Variants in MGAT5 observed in about 807,000 individuals in gnomAD.
MGAT5 encodes alpha-1,6-mannosylglycoprotein 6-beta-N-acetylglucosaminyltransferase A.
MGAT5 carries 30 observed loss-of-function variants against 94.3 expected under a neutral mutation model. The ratio of observed to expected loss-of-function variants is 0.32; its 90% CI spans 0.24 to 0.43. MGAT5 has a LOEUF of 0.43. MGAT5 is among the 20% of genes least tolerant of loss of function. MGAT5 has a pLI of 1.00. For synonymous variants in MGAT5, 310 were observed against 322.9 expected, an observed-to-expected ratio of 0.96 and a Z score of 0.43; for missense variants, 691 against 905.5, an observed-to-expected ratio of 0.76 and a Z score of 3.04.
intron 4 of MGAT5, among the ~76,000 whole-genome samples, chr2:134,331,629 G>C (rs971025461): frequency 6.6e-6 from 1 of 151,992 alleles, no homozygotes; most frequent in Non-Finnish European, 1.5e-5. Context: ...GGGGGTTGGT[G>C]GGGGGAGGCA....
rs1484759679 is a variant in MGAT5, at chr2:134,317,552, A to G, written c.430A>G (p.Lys144Glu). 3 of 1,570,372 alleles carry G rather than the reference A, an allele frequency of 1.9e-6. No individual in the cohort carries two copies. The highest frequency in any genetic ancestry group is 2.6e-6 in the Non-Finnish European group (3 of 1,160,268). The change falls in exon 3 of 16, where the codon AAA becomes GAA. Residue 144 changes from lysine to glutamate, a missense_variant. Coordinates refer to ENST00000281923, the MANE Select transcript of MGAT5 (RefSeq NM_002410.5). ...AGATATCATTAACGGAGCTCAAGAAAAATGTGTATTGCCTCCTATGGACGG... is the reference window on the plus strand; with the variant it reads ...AGATATCATTAACGGAGCTCAAGAAGAATGTGTATTGCCTCCTATGGACGG... ...VADIINGAQE[K>E]CVLPPMDGYP...
chr2:134,358,033 A>G (rs2106092590), intron 9 of MGAT5, among the ~76,000 whole-genome samples: 1 of 152,268 alleles, frequency 6.6e-6, no homozygotes, highest in Non-Finnish European at 1.5e-5. Flanking sequence ...GAATATGATG[A>G]CAATCAGTAT....
intron 1 of MGAT5, among the ~76,000 whole-genome samples, chr2:134,214,833 T>C (rs550492673): frequency 2.1e-4 from 32 of 152,264 alleles, no homozygotes; most frequent in African/African-American, 7.5e-4. Flanking sequence ...CTTTCTGATA[T>C]GTATTATATC....
At chr2:134,131,545 C>G (rs982085400) in intron 1 of MGAT5, among the ~76,000 whole-genome samples, 1 of 147,618 alleles carries the variant, frequency 6.8e-6, no homozygotes, top group Non-Finnish European at 1.5e-5. Context: ...TGATGATACA[C>G]GATAAATATT....
At chr2:134,133,682 T>C (rs1240801707) in intron 1 of MGAT5, among the ~76,000 whole-genome samples, 1 of 152,196 alleles carries the variant, frequency 6.6e-6, no homozygotes, top group African/African-American at 2.4e-5. Context: ...AAAGGTTTAA[T>C]CAAAGGGCCA....
intron 1 of MGAT5, among the ~76,000 whole-genome samples, chr2:134,236,455 A>G (rs1452849782): frequency 1.3e-5 from 2 of 152,114 alleles, no homozygotes; most frequent in Admixed American, 6.5e-5. Context: ...GTGTCGTGGG[A>G]GGTAATTTAA....
chr2:134,131,419 T>C (rs552881260), intron 1 of MGAT5, among the ~76,000 whole-genome samples: 1 of 152,236 alleles, frequency 6.6e-6, no homozygotes, highest in East Asian at 1.9e-4. Flanking sequence ...TTCCCGAAAT[T>C]AGTATTCTTT....
intron 4 of MGAT5, among the ~76,000 whole-genome samples, chr2:134,328,726 C>T (rs1180425364): frequency 6.6e-6 from 1 of 151,946 alleles, no homozygotes; most frequent in African/African-American, 2.4e-5. Flanking sequence ...AGCTTGCATG[C>T]AGATGGGGCA....
intron 1 of MGAT5, among the ~76,000 whole-genome samples, chr2:134,140,635 C>T (rs1686614773): frequency 6.6e-6 from 1 of 152,204 alleles, no homozygotes; most frequent in African/African-American, 2.4e-5. Flanking sequence ...TGCCCACATC[C>T]AGGGTGGGGC....
chr2:134,254,729 T>TTCA, intron 1 of MGAT5, 85 bp downstream of exon 1: 1 of 1,534,370 alleles, frequency 6.5e-7, no homozygotes, highest in Admixed American at 1.9e-5. Flanking sequence ...GGTCTTGTCA[T>TTCA]GGACTGAATG....
At chr2:134,310,947 T>A (rs1686614163) in intron 2 of MGAT5, among the ~76,000 whole-genome samples, 1 of 152,212 alleles carries the variant, frequency 6.6e-6, no homozygotes, top group Non-Finnish European at 1.5e-5. Context: ...AGTGGCACGC[T>A]CATTTGGCTG....
At chr2:134,427,334 A>G (rs1439142686) in intron 13 of MGAT5, among the ~76,000 whole-genome samples, 1 of 152,150 alleles carries the variant, frequency 6.6e-6, no homozygotes, top group Admixed American at 6.5e-5. Context: ...TGAAATTTCC[A>G]TTTTAGATTG....
At chr2:134,307,771 C>T (rs74524848) in intron 2 of MGAT5, among the ~76,000 whole-genome samples, 4,499 of 152,230 alleles carry the variant, frequency 0.03, 243 homozygotes, top group African/African-American at 0.1. Context: ...ATTGTTGAAA[C>T]ATAACATAAA....
intron 10 of MGAT5, among the ~76,000 whole-genome samples, chr2:134,381,382 TTAGATAGATAGATAGATAGATAGA>T (rs61246431): frequency 0.019 from 2,010 of 108,544 alleles, 34 homozygotes; most frequent in African/African-American, 0.027. Flanking sequence ...ATAAGATAGA[TTAGATAGATAGATAGATAGATAGA>T]TAGATAGATA....
At position 134,453,897 on chromosome 2, in the gene MGAT5, CTATCTCCT is replaced by C. The variant is rs1686225134; in HGVS notation, c.*5059_*5066del. 1 of 152,224 alleles carries C rather than the reference CTATCTCCT, an allele frequency of 6.6e-6. No individual in the cohort carries two copies. Among genetic ancestry groups the C allele is most frequent in the South Asian group, 2.1e-4 (1 of 4,836 alleles). 9.4% of individuals were successfully genotyped at this position (152,224 alleles called of 1,614,324 possible). On this transcript the variant is annotated 3_prime_UTR_variant, in exon 16 of 16. Coordinates refer to ENST00000281923, the MANE Select transcript of MGAT5 (RefSeq NM_002410.5). ...TTCCCTGATGGATTCAAAGTTTTAT[CTATCTCCT>C]TATCTCCTGCCCTGTCTTGGCACAA...
intron 1 of MGAT5, among the ~76,000 whole-genome samples, chr2:134,264,812 A>G (rs1217996652): frequency 6.6e-6 from 1 of 152,176 alleles, no homozygotes; most frequent in African/African-American, 2.4e-5. Flanking sequence ...CCAGAGCAGC[A>G]AGTGAAGCTG....
Position 134,448,712 on chromosome 2 carries a change from TAAG to T in MGAT5, c.2094_2096del (p.Lys698del), listed in dbSNP as rs1338759427. ...ACATCCTGGTGCCCTCCTTTGACCC[TAAG>T]AATAAGCACTGTGTGTTTCAAGGTG... On this transcript the variant is annotated inframe_deletion, in exon 16 of 16. Coordinates refer to ENST00000281923, the MANE Select transcript of MGAT5 (RefSeq NM_002410.5). The T allele has an allele frequency of 6.2e-7, 1 of 1,614,154 alleles. No individual in the cohort carries two copies.
At chr2:134,165,212 C>T (rs140099932) in intron 1 of MGAT5, among the ~76,000 whole-genome samples, 65 of 152,278 alleles carry the variant, frequency 4.3e-4, no homozygotes, top group African/African-American at 1.3e-3. Flanking sequence ...TGGTGGGCAT[C>T]GCTGCTCTAG....
intron 1 of MGAT5, among the ~76,000 whole-genome samples, chr2:134,180,205 T>C (rs1216731595): frequency 6.6e-6 from 1 of 152,244 alleles, no homozygotes; most frequent in Non-Finnish European, 1.5e-5. Context: ...CCGCTCTGCC[T>C]GTGGAGTAGC....
Sources: allele counts gnomAD v4.1 joint callset (sites outside exome capture counted in the v4.1 genomes callset), GRCh38; gene constraint gnomAD v4.1.1; transcripts MANE v1.5; gene names NCBI Gene and HGNC (gene_info 2026-07-23, HGNC 2026-07-21).